Variants in FBXL17 observed in about 807,000 individuals in gnomAD.
FBXL17 encodes the protein F-box/LRR-repeat protein 17.
In FBXL17, 22 loss-of-function variants were observed where a neutral mutation model predicts 66.2. That is an observed-to-expected ratio of 0.33 (90% confidence interval 0.24 to 0.47). The LOEUF is 0.47. Ranked by LOEUF, FBXL17 falls within the 20% of genes least tolerant of loss-of-function variation. The pLI is 1.00. For synonymous variants in FBXL17, 474 were observed against 400.5 expected (o/e 1.18, Z -2.19); for missense variants, 878 against 948.2 (o/e 0.93, Z 0.97).
At chr5:107,892,832 G>T (rs1749240192) in intron 7 of FBXL17, among the ~76,000 whole-genome samples, 1 of 151,874 alleles carries the variant, frequency 6.6e-6, no homozygotes, top group Non-Finnish European at 1.5e-5. Context: ...TTTTGCTATG[G>T]GCATTTCTGC....
intron 7 of FBXL17, among the ~76,000 whole-genome samples, chr5:108,019,846 C>G (rs1191875683): frequency 6.6e-6 from 1 of 151,514 alleles, no homozygotes; most frequent in East Asian, 1.9e-4. Flanking sequence ...TTTTACAAGG[C>G]AAAATTAGGA....
intron 3 of FBXL17, among the ~76,000 whole-genome samples, chr5:108,363,809 A>C (rs1748492203): frequency 6.6e-6 from 1 of 152,016 alleles, no homozygotes; most frequent in East Asian, 1.9e-4. Flanking sequence ...AAAATGTTTC[A>C]TTGTGAAAAA....
intron 6 of FBXL17, among the ~76,000 whole-genome samples, chr5:108,126,417 T>C (rs1392979995): frequency 1.3e-5 from 2 of 152,020 alleles, no homozygotes; most frequent in East Asian, 1.9e-4. Flanking sequence ...CCTGTGAAAG[T>C]AATAAGCCTA....
In FBXL17 at chr5:108,352,643, T is replaced by C. The variant is rs113037730; in HGVS notation, c.1375-4113A>G. Among the ~76,000 whole-genome samples the C allele has an allele frequency of 3.1e-3, 472 of 152,150 alleles. 3 individuals carry two copies. Among genetic ancestry groups the C allele is most frequent in the Middle Eastern group, 0.01 (3 of 294 alleles). On this transcript the variant is annotated intron_variant, in intron 3 of 8. Transcript: ENST00000542267. ...CTCCTGCCTCAGCCTCCCGAGTAGC[T>C]GGGACTACAGGCACCCGCCATGACT...
intron 4 of FBXL17, among the ~76,000 whole-genome samples, chr5:108,288,397 C>A (rs562655449): frequency 3.3e-5 from 5 of 151,504 alleles, no homozygotes; most frequent in African/African-American, 9.7e-5. Flanking sequence ...CAGACTGGCC[C>A]GATGTAAGGT....
At chr5:107,879,059 T>C in intron 8 of FBXL17, 1 of 985,460 alleles carries the variant, frequency 1.0e-6, no homozygotes, top group Non-Finnish European at 1.2e-6. Flanking sequence ...AAATAACCCA[T>C]TTCTTAACTA....
intron 7 of FBXL17, among the ~76,000 whole-genome samples, chr5:107,884,252 TG>T (rs1479841879): frequency 1.9e-4 from 29 of 152,168 alleles, no homozygotes. Flanking sequence ...AACATTTAGC[TG>T]GGGGCTTCAG....
At chr5:108,008,471 CTCT>C (rs1339519552) in intron 7 of FBXL17, among the ~76,000 whole-genome samples, 1 of 152,134 alleles carries the variant, frequency 6.6e-6, no homozygotes, top group African/African-American at 2.4e-5. Context: ...AAATTTCAAA[CTCT>C]TCATTTATTT....
intron 7 of FBXL17, among the ~76,000 whole-genome samples, chr5:107,987,728 G>T (rs1440073670): frequency 6.6e-6 from 1 of 152,022 alleles, no homozygotes; most frequent in African/African-American, 2.4e-5. Context: ...AGCACATGTT[G>T]AATAGATGCT....
chr5:108,364,950 T>C lies in FBXL17; in HGVS notation c.1162A>G (p.Ile388Val). ...CAATCAGAAATGTTGATTTCAATTA[T>C]ATTCTGACTTCTTGATGCAATTTTT... ...LEKIASRSQN[I>V]IEINISDCRS... Residue 388 changes from isoleucine (I) to valine (V), a missense_variant, in exon 3 of 9, where the codon ATA (isoleucine) becomes GTA (valine). Physicochemically the swap from Ile to Val is conservative, Grantham distance 29 (BLOSUM62 3). Coordinates refer to ENST00000542267, the MANE Select transcript of FBXL17 (RefSeq NM_001163315.3). 2 of 1,611,418 alleles carry C rather than the reference T, an allele frequency of 1.2e-6. No individual in the cohort carries two copies. Among genetic ancestry groups the C allele is most frequent in the Non-Finnish European group, 1.7e-6 (2 of 1,177,994 alleles).
chr5:107,942,979 T>C (rs1269862171), intron 7 of FBXL17, among the ~76,000 whole-genome samples: 2 of 152,206 alleles, frequency 1.3e-5, no homozygotes, highest in Non-Finnish European at 1.5e-5. Flanking sequence ...TTTCACTGAA[T>C]TGACCTTTTG....
chr5:108,256,352 G>A (rs1163944771), intron 4 of FBXL17, among the ~76,000 whole-genome samples: 2 of 152,036 alleles, frequency 1.3e-5, no homozygotes, highest in Non-Finnish European at 2.9e-5. Flanking sequence ...TTGGGCAAAA[G>A]TTTATTTTTT....
chr5:107,950,406 T>A (rs1751458906), intron 7 of FBXL17, among the ~76,000 whole-genome samples: 1 of 152,194 alleles, frequency 6.6e-6, no homozygotes, highest in Non-Finnish European at 1.5e-5. Context: ...ACTGTGAATA[T>A]TCTGAATATA....
At chr5:108,304,452 C>T (rs927609571) in intron 4 of FBXL17, among the ~76,000 whole-genome samples, 5 of 151,790 alleles carry the variant, frequency 3.3e-5, no homozygotes, top group African/African-American at 7.3e-5. Context: ...CCTGAATAAA[C>T]TTGAATGATA....
chr5:108,273,961 G>A (rs1025296316), intron 4 of FBXL17, among the ~76,000 whole-genome samples: 1 of 152,048 alleles, frequency 6.6e-6, no homozygotes, highest in African/African-American at 2.4e-5. Flanking sequence ...CAAGAACCTT[G>A]ATGAAAATGT....
At chr5:108,047,768 A>T (rs1331516689) in intron 6 of FBXL17, among the ~76,000 whole-genome samples, 2 of 152,174 alleles carry the variant, frequency 1.3e-5, no homozygotes, top group Non-Finnish European at 2.9e-5. Flanking sequence ...CTCCAGCCAG[A>T]GGCTCAGGGA....
intron 5 of FBXL17, among the ~76,000 whole-genome samples, chr5:108,212,568 C>A (rs34771507): frequency 0.16 from 24,352 of 152,182 alleles, 2,098 homozygotes; most frequent in South Asian, 0.32. Context: ...GACAGTCAGG[C>A]CCCTCTGCTG....
chr5:108,006,073 T>C (rs1753909614), intron 7 of FBXL17, among the ~76,000 whole-genome samples: 1 of 152,250 alleles, frequency 6.6e-6, no homozygotes, highest in Non-Finnish European at 1.5e-5. Flanking sequence ...CTATGGTGGC[T>C]AAATGTCTAA....
At chr5:108,262,502 C>T (rs1225005328) in intron 4 of FBXL17, among the ~76,000 whole-genome samples, 1 of 152,098 alleles carries the variant, frequency 6.6e-6, no homozygotes, top group Non-Finnish European at 1.5e-5. Flanking sequence ...GTACTCAAAG[C>T]ATCCCTCTCA....
Sources: allele counts gnomAD v4.1 joint callset (sites outside exome capture counted in the v4.1 genomes callset), GRCh38; gene constraint gnomAD v4.1.1; transcripts MANE v1.5; gene names NCBI Gene and HGNC (gene_info 2026-07-23, HGNC 2026-07-21).